The following TRAF3IP2 variants were observed in gnomAD, a reference collection of about 807,000 sequenced individuals.
TRAF3IP2 encodes the protein TRAF3 interacting protein 2.
TRAF3IP2 carries 35 observed loss-of-function variants against 57.9 expected under a neutral mutation model. That is an observed-to-expected ratio of 0.60 (90% confidence interval 0.46 to 0.80). TRAF3IP2 has a LOEUF of 0.80. Among genes scored for constraint, TRAF3IP2 ranks in the 30% least tolerant of loss-of-function variants. The pLI, the probability that TRAF3IP2 is intolerant of heterozygous loss-of-function variation, is 0.00. For synonymous variants in TRAF3IP2, 251 were observed against 268.9 expected (o/e 0.93, Z 0.65); for missense variants, 556 against 706.4 (o/e 0.79, Z 2.41).
intron 2 of TRAF3IP2, among the ~76,000 whole-genome samples, chr6:111,586,111 AC>A (rs1243357829): frequency 1.3e-5 from 2 of 152,192 alleles, no homozygotes; most frequent in African/African-American, 4.8e-5. Flanking sequence ...GCCAATATAA[AC>A]TGTTGCAGGA....
chr6:111,576,107 G>C (rs758416168), intron 3 of TRAF3IP2, among the ~76,000 whole-genome samples: 1 of 152,168 alleles, frequency 6.6e-6, no homozygotes, highest in Non-Finnish European at 1.5e-5. Flanking sequence ...CTCATGCACA[G>C]GGCAGACAAG....
chr6:111,580,332 C>T lies in TRAF3IP2; in HGVS notation c.887G>A (p.Gly296Glu). ...YQQVIQPALP[G>E]QPLPGASVRG... ...CACACTGGCTCCAGGCAGGGGCTGC[C>T]CAGGCAGAGCCGGCTGGATCACTTG... The change falls in exon 3 of 9, where the codon GGG (glycine) becomes GAG (glutamate). Residue 296 changes from glycine (G) to glutamate (E), a missense_variant. Coordinates refer to ENST00000368761, the MANE Select transcript of TRAF3IP2 (RefSeq NM_147686.4). 2 of 1,600,870 alleles carry T rather than the reference C, an allele frequency of 1.2e-6. No individual in the cohort carries two copies. The highest frequency in any genetic ancestry group is 1.7e-6 in the Non-Finnish European group (2 of 1,175,632).
At chr6:111,574,759 T>C (rs1795930085) in intron 4 of TRAF3IP2, 1 of 152,214 alleles carries the variant, frequency 6.6e-6, no homozygotes, top group Non-Finnish European at 1.5e-5. Context: ...GAAAAGGCAC[T>C]GGGGTTATTT....
chr6:111,574,319 T>C (rs1453953988), intron 4 of TRAF3IP2, among the ~76,000 whole-genome samples: 1 of 152,176 alleles, frequency 6.6e-6, no homozygotes, highest in Non-Finnish European at 1.5e-5. Flanking sequence ...GGTTCCCAGA[T>C]TTGGAAAATG....
chr6:111,583,359 A>C (rs922087176), intron 2 of TRAF3IP2, among the ~76,000 whole-genome samples: 3 of 152,230 alleles, frequency 2.0e-5, no homozygotes, highest in Non-Finnish European at 4.4e-5. Context: ...GTATCAGTCC[A>C]TTGCCTGTTA....
chr6:111,599,652 C>A (rs902301580), intron 1 of TRAF3IP2, among the ~76,000 whole-genome samples: 1 of 152,210 alleles, frequency 6.6e-6, no homozygotes. Context: ...CCTTAACTTA[C>A]TAGTTTTTTG....
intron 1 of TRAF3IP2, chr6:111,597,895 CA>C (rs1265192833): frequency 1.5e-5 from 7 of 455,876 alleles, no homozygotes; most frequent in South Asian, 9.3e-5. Flanking sequence ...CAGTCTCTAC[CA>C]GAGGGCGGTG....
At chr6:111,582,148 A>T (rs530835712) in intron 2 of TRAF3IP2, among the ~76,000 whole-genome samples, 229 of 152,318 alleles carry the variant, frequency 1.5e-3, no homozygotes, top group African/African-American at 5.3e-3. Flanking sequence ...AGACTCAGGA[A>T]ACTGTTTGGG....
chr6:111,567,629 T>C lies in TRAF3IP2; in HGVS notation c.1354A>G (p.Arg452Gly). ...DIIKWMERYL[R>G]DKTVMIIVAI... ...GGTTTTTGGAATGTACTTACATCCC[T>C]AAGGTAGCGCTCCATCCATTTAATG... The change falls in exon 6 of 9, where the codon AGG (arginine) becomes GGG (glycine). Residue 452 changes from arginine (R) to glycine (G), a missense_variant. Arg to Gly is a moderately radical substitution (Grantham distance 125). This residue lies in a region of TRAF3IP2 where 128 missense variants were observed against 207.7 expected (regional missense o/e 0.62). Coordinates refer to ENST00000368761, the MANE Select transcript of TRAF3IP2 (RefSeq NM_147686.4). The C allele has an allele frequency of 1.2e-6, 2 of 1,610,060 alleles. No homozygotes were observed. Among genetic ancestry groups the C allele is most frequent in the South Asian group, 2.2e-5 (2 of 89,788 alleles).
chr6:111,570,359 G>A (rs1256343899), intron 5 of TRAF3IP2, among the ~76,000 whole-genome samples: 3 of 152,218 alleles, frequency 2.0e-5, no homozygotes, highest in Non-Finnish European at 4.4e-5. Context: ...CCTAGGGGCA[G>A]TAACAACTCC....
At chr6:111,586,775 C>A (rs990793236) in intron 2 of TRAF3IP2, among the ~76,000 whole-genome samples, 3 of 152,110 alleles carry the variant, frequency 2.0e-5, no homozygotes, top group African/African-American at 7.2e-5. Flanking sequence ...GCAGTTATAG[C>A]CCTGACATGA....
At chr6:111,559,790 T>C (rs933977693) in intron 8 of TRAF3IP2, among the ~76,000 whole-genome samples, 8 of 152,226 alleles carry the variant, frequency 5.3e-5, no homozygotes, top group African/African-American at 1.9e-4. Flanking sequence ...TCTGTCAGTC[T>C]CCCAGACTAC....
At chr6:111,578,900 G>GC (rs1350030330) in intron 3 of TRAF3IP2, among the ~76,000 whole-genome samples, 1 of 152,178 alleles carries the variant, frequency 6.6e-6, no homozygotes, top group Non-Finnish European at 1.5e-5. Flanking sequence ...TTGCTTTTGA[G>GC]CAAAAGTAAA....
Position 111,556,886 on chromosome 6 carries a change from G to C in TRAF3IP2, c.*2519C>G, listed in dbSNP as rs887187704. The stretch of plus-strand genomic sequence containing the variant: ...TCCCATCTGTAATCCTAGCACTTTG[G>C]GAGGCCAAGGCAGGTGAATCACTTG... On this transcript the variant is annotated 3_prime_UTR_variant, in exon 9 of 9. Coordinates refer to ENST00000368761, the MANE Select transcript of TRAF3IP2 (RefSeq NM_147686.4). 4.6e-5 allele frequency: 7 copies of C among 152,334 alleles called. No individual in the cohort carries two copies. The highest frequency in any genetic ancestry group is 1.7e-4 in the African/African-American group (7 of 41,434). 9.4% of individuals were successfully genotyped at this position (152,334 alleles called of 1,614,324 possible).
At chr6:111,568,580 G>A (rs1384348470) in intron 5 of TRAF3IP2, among the ~76,000 whole-genome samples, 1 of 151,866 alleles carries the variant, frequency 6.6e-6, no homozygotes, top group Non-Finnish European at 1.5e-5. Flanking sequence ...CCCTGGGGAG[G>A]GGTTACGTGA....
At chr6:111,595,248 TA>T (rs1437149414) in intron 1 of TRAF3IP2, among the ~76,000 whole-genome samples, 1 of 151,936 alleles carries the variant, frequency 6.6e-6, no homozygotes, top group Non-Finnish European at 1.5e-5. Context: ...GAAAATAAAA[TA>T]AACTGGTCTG....
intron 3 of TRAF3IP2, chr6:111,576,225 T>C (rs952712505): frequency 1.1e-5 from 2 of 179,344 alleles, no homozygotes; most frequent in African/African-American, 4.8e-5. Flanking sequence ...CATTTAATTA[T>C]GTATCAAAAG....
At position 111,559,804 on chromosome 6, in the gene TRAF3IP2, C is replaced by T. The variant is rs113183518; in HGVS notation, c.1552-253G>A. Among the ~76,000 whole-genome samples, 3 of 152,344 alleles carry T rather than the reference C, an allele frequency of 2.0e-5. 1 individual carries two copies. The highest frequency in any genetic ancestry group is 7.2e-5 in the African/African-American group (3 of 41,580). On this transcript the variant is annotated intron_variant, in intron 8 of 8. Transcript: ENST00000368761. ...TTCTGTCAGTCTCCCAGACTACCTA[C>T]CCTTTGCATTTCAACTTGCTTTTCA...
At position 111,557,790 on chromosome 6, in the gene TRAF3IP2, C is replaced by G. The variant is rs1583208449; in HGVS notation, c.*1615G>C. On this transcript the variant is annotated 3_prime_UTR_variant, in exon 9 of 9. Coordinates refer to ENST00000368761, the MANE Select transcript of TRAF3IP2 (RefSeq NM_147686.4). Reference sequence around the variant, plus strand: ...CTGTAATCCCAGCACTTTGGGAGGCCGAGGTGGGCGGATCACAAGGTCAGG... The same window carrying G: ...CTGTAATCCCAGCACTTTGGGAGGCGGAGGTGGGCGGATCACAAGGTCAGG... 1 of 151,490 alleles carries G rather than the reference C, an allele frequency of 6.6e-6. No homozygotes were observed. Among genetic ancestry groups the G allele is most frequent in the Non-Finnish European group, 1.5e-5 (1 of 67,882 alleles). 9.4% of individuals were successfully genotyped at this position (151,490 alleles called of 1,614,324 possible).
Sources: gnomAD v4.1 joint callset for allele counts (sites outside exome capture counted in the v4.1 genomes callset) on GRCh38, gnomAD v4.1.1 for gene constraint, gnomAD v4.1.1 regional missense constraint, MANE v1.5 for transcripts, NCBI Gene and HGNC (gene_info 2026-07-23, HGNC 2026-07-21) for gene names.